The following MAN1A2 variants were observed in gnomAD, a reference collection of about 807,000 sequenced individuals.
MAN1A2 encodes mannosyl-oligosaccharide 1,2-alpha-mannosidase IB.
In MAN1A2, 26 loss-of-function variants were observed where a neutral mutation model predicts 75.7. The ratio of observed to expected loss-of-function variants is 0.34; its 90% CI spans 0.25 to 0.48. MAN1A2 has a LOEUF of 0.48. MAN1A2 is among the 20% of genes least tolerant of loss of function. The probability of loss-of-function intolerance (pLI) is 0.99; values close to 1 mark genes in which losing one functional copy is unlikely to be tolerated. For missense variants in MAN1A2, 562 were observed against 775.5 expected (o/e 0.72, Z 3.27); for synonymous variants, 247 against 264.6 (o/e 0.93, Z 0.65).
chr1:117,501,883 G>T (rs1431376863), intron 11 of MAN1A2, among the ~76,000 whole-genome samples: 1 of 151,734 alleles, frequency 6.6e-6, no homozygotes, highest in Non-Finnish European at 1.5e-5. Flanking sequence ...GGATGACCTT[G>T]CAGGGTTAGG....
intron 5 of MAN1A2, among the ~76,000 whole-genome samples, chr1:117,425,080 G>T (rs1356406293): frequency 6.7e-6 from 1 of 149,302 alleles, no homozygotes; most frequent in Non-Finnish European, 1.5e-5. Flanking sequence ...AAACAGGAGA[G>T]GGGGAAGGGA....
At chr1:117,442,417 A>G in intron 6 of MAN1A2, 92 bp downstream of exon 6, 1 of 751,208 alleles carries the variant, frequency 1.3e-6, no homozygotes, top group Non-Finnish European at 2.3e-6. Flanking sequence ...CATTTTTTTT[A>G]AAGACATATT....
rs556583909 is a variant in MAN1A2 at position 117,435,188 on chromosome 1, G to C, written c.856-7043G>C. Among the ~76,000 whole-genome samples the C allele has an allele frequency of 4.6e-5, 7 of 152,208 alleles. No homozygotes were observed. In the South Asian group the frequency reaches 1.5e-3, roughly 32 times the overall value. The stretch of plus-strand genomic sequence containing the variant: ...ATTGACTGGAGATATAAGTTTGGGA[G>C]TCAGTTGCTGGGTAGCTGATAATTG... On this transcript the variant is annotated intron_variant, in intron 5 of 12. Coordinates refer to ENST00000356554, the MANE Select transcript of MAN1A2 (RefSeq NM_006699.5).
intron 5 of MAN1A2, among the ~76,000 whole-genome samples, chr1:117,432,143 A>G (rs1183454653): frequency 2.0e-5 from 3 of 152,372 alleles, no homozygotes; most frequent in South Asian, 2.1e-4. Context: ...AACAGAATTG[A>G]TAAACCTTTT....
intron 8 of MAN1A2, among the ~76,000 whole-genome samples, chr1:117,486,856 A>G (rs969947489): frequency 1.3e-5 from 2 of 152,022 alleles, no homozygotes; most frequent in African/African-American, 4.8e-5. Flanking sequence ...TTTAGTTTGT[A>G]CCTAGCACAT....
rs867057700 is a variant in MAN1A2, at chr1:117,419,713, T to C, written c.775-856T>C. Among the ~76,000 whole-genome samples, 25 of 152,186 alleles carry C rather than the reference T, an allele frequency of 1.6e-4. 1 individual carries two copies. The highest frequency in any genetic ancestry group is 6.8e-3 in the Middle Eastern group (2 of 294). On this transcript the variant is annotated intron_variant, in intron 4 of 12. Coordinates refer to ENST00000356554, the MANE Select transcript of MAN1A2 (RefSeq NM_006699.5). Reference sequence around the variant, plus strand: ...TTTTCTTTCCATGTGTTAGAATATTTCTAGCAATATCTATATCAATATGTA... The same window carrying C: ...TTTTCTTTCCATGTGTTAGAATATTCCTAGCAATATCTATATCAATATGTA...
At chr1:117,393,878 A>G (rs961571812) in intron 1 of MAN1A2, among the ~76,000 whole-genome samples, 4 of 152,176 alleles carry the variant, frequency 2.6e-5, no homozygotes, top group African/African-American at 7.2e-5. Flanking sequence ...TGGTATTATC[A>G]TAGAAGAAAT....
chr1:117,492,604 G>C (rs1570789073), intron 8 of MAN1A2, among the ~76,000 whole-genome samples: 2 of 152,124 alleles, frequency 1.3e-5, no homozygotes, highest in South Asian at 2.1e-4. Flanking sequence ...ATCAAGGGGA[G>C]CAAGTCAACA....
At chr1:117,490,629 AAG>A (rs1650849432) in intron 8 of MAN1A2, among the ~76,000 whole-genome samples, 1 of 151,998 alleles carries the variant, frequency 6.6e-6, no homozygotes, top group South Asian at 2.1e-4. Context: ...TTCCAAGTAA[AAG>A]AGTCATATGT....
At chr1:117,434,794 TG>T (rs1648798377) in intron 5 of MAN1A2, among the ~76,000 whole-genome samples, 1 of 145,652 alleles carries the variant, frequency 6.9e-6, no homozygotes, top group Non-Finnish European at 1.5e-5. Context: ...TGTGTGTGTG[TG>T]TATCCATTCA....
chr1:117,502,413 A>G (rs1651230227), intron 11 of MAN1A2, among the ~76,000 whole-genome samples: 1 of 151,702 alleles, frequency 6.6e-6, no homozygotes, highest in Admixed American at 6.6e-5. Context: ...CGCTATTACT[A>G]TAGAGTGCTC....
intron 12 of MAN1A2, among the ~76,000 whole-genome samples, chr1:117,518,795 A>G (rs1651791453): frequency 6.6e-6 from 1 of 152,080 alleles, no homozygotes; most frequent in East Asian, 1.9e-4. Flanking sequence ...GAAAGTCAAC[A>G]AAGAAACAAT....
chr1:117,443,921 T>A (rs567764299), intron 6 of MAN1A2, among the ~76,000 whole-genome samples: 54 of 141,998 alleles, frequency 3.8e-4, no homozygotes, highest in Non-Finnish European at 5.6e-4. Flanking sequence ...TTTTTGAAAA[T>A]TTTTTTTTTT....
In MAN1A2 at chr1:117,525,412, A is replaced by G. The variant is rs41312696; in HGVS notation, c.*2455A>G. ...TTTTAAATTATTTCCTTCAAGATCA[A>G]TTCTTATCCCATATAATGCTTAGCT... On this transcript the variant is annotated 3_prime_UTR_variant, in exon 13 of 13. Coordinates refer to ENST00000356554, the MANE Select transcript of MAN1A2 (RefSeq NM_006699.5). 64,197 of 230,918 alleles carry G rather than the reference A, an allele frequency of 0.28. 10,103 individuals carry two copies. Among genetic ancestry groups the G allele is most frequent in the East Asian group, 0.48 (5,246 of 10,818 alleles). The allele number at this position is 230,918 out of a possible 1,614,324, so 14.3% of individuals were successfully genotyped here.
At chr1:117,502,777 A>G (rs1651240909) in intron 11 of MAN1A2, 78 bp from the exon 12 acceptor site, 12 of 723,714 alleles carry the variant, frequency 1.7e-5, no homozygotes, top group Admixed American at 4.8e-5. Context: ...GCTTTTGACT[A>G]TTGTCCTTCA....
chr1:117,505,055 T>C (rs1422789311), intron 12 of MAN1A2, among the ~76,000 whole-genome samples: 1 of 151,544 alleles, frequency 6.6e-6, no homozygotes, highest in Admixed American at 6.6e-5. Flanking sequence ...ATTTTGAGAC[T>C]GTGAATATTC....
intron 6 of MAN1A2, among the ~76,000 whole-genome samples, chr1:117,459,082 C>T (rs763749693): frequency 1.4e-4 from 21 of 152,208 alleles, no homozygotes; most frequent in East Asian, 3.9e-4. Flanking sequence ...CTAAGGTCAT[C>T]GCCATATAAA....
At chr1:117,500,602 C>A (rs910118931) in intron 11 of MAN1A2, among the ~76,000 whole-genome samples, 1 of 151,828 alleles carries the variant, frequency 6.6e-6, no homozygotes, top group African/African-American at 2.4e-5. Flanking sequence ...ACTTATTTTT[C>A]ACCTGTCATT....
Position 117,526,464 on chromosome 1 carries a change from TTAA to T in MAN1A2, c.*3511_*3513del, listed in dbSNP as rs1340757676. On this transcript the variant is annotated 3_prime_UTR_variant, in exon 13 of 13. Coordinates refer to ENST00000356554, the MANE Select transcript of MAN1A2 (RefSeq NM_006699.5). ...CTGTATAATACAACTATAATTGTAG[TTAA>T]TAACTAAAACCTCTTGAAAATGTCA... 1 of 151,810 alleles carries T rather than the reference TTAA, an allele frequency of 6.6e-6. No homozygotes were observed. The highest frequency in any genetic ancestry group is 2.4e-5 in the African/African-American group (1 of 41,422). The allele number at this position is 151,810 out of a possible 1,614,324, so 9.4% of individuals were successfully genotyped here.
Sources: gnomAD v4.1 joint callset for allele counts (sites outside exome capture counted in the v4.1 genomes callset) on GRCh38, gnomAD v4.1.1 for gene constraint, MANE v1.5 for transcripts, NCBI Gene and HGNC (gene_info 2026-07-23, HGNC 2026-07-21) for gene names.